The following SNX1 variants were observed in gnomAD, a reference collection of about 807,000 sequenced individuals.
SNX1 encodes sorting nexin-1.
In SNX1, 36 loss-of-function variants were observed where a neutral mutation model predicts 71.8. That is an observed-to-expected ratio of 0.50 (90% CI 0.38 to 0.66). The LOEUF (loss-of-function observed/expected upper bound fraction) is 0.66. Ranked by LOEUF, SNX1 falls within the 30% of genes least tolerant of loss-of-function variation. SNX1 has a pLI of 0.00. For synonymous variants in SNX1, 254 were observed against 240.7 expected (o/e 1.06, Z -0.51); for missense variants, 612 against 646.7 (o/e 0.95, Z 0.58).
chr15:64,121,451 G>T (rs1476182435), intron 4 of SNX1, among the ~76,000 whole-genome samples: 1 of 152,126 alleles, frequency 6.6e-6, no homozygotes, highest in Non-Finnish European at 1.5e-5. Flanking sequence ...TCCTTCCTAA[G>T]CGTCTCCACA....
At position 64,096,053 on chromosome 15, in the gene SNX1, C is replaced by G. The variant is rs370223175; in HGVS notation, c.40C>G (p.Leu14Val). 2 of 1,591,358 alleles carry G rather than the reference C, an allele frequency of 1.3e-6. No individual in the cohort carries two copies. Among genetic ancestry groups the G allele is most frequent in the Non-Finnish European group, 1.7e-6 (2 of 1,172,794 alleles). ...TGGTGGCTGTAGCGCTTCGGAGAGACTGCCTCCGCCCTTCCCCGGCCTGGA... is the reference window on the plus strand; with the variant it reads ...TGGTGGCTGTAGCGCTTCGGAGAGAGTGCCTCCGCCCTTCCCCGGCCTGGA... Reference protein sequence around the residue: ...GGGGCSASERLPPPFPGLEPE... With the variant: ...GGGGCSASERVPPPFPGLEPE... The change falls in exon 1 of 15, where the codon CTG becomes GTG. Residue 14 changes from leucine to valine, a missense_variant. Around this residue, in one of 2 missense-constraint regions of SNX1, gnomAD observed 316 missense variants for 284.9 expected, o/e 1.11. Coordinates refer to ENST00000559844, the MANE Select transcript of SNX1 (RefSeq NM_003099.5).
intron 12 of SNX1, 200 bp downstream of exon 12, chr15:64,135,007 GCAGACTTGTCAAAT>G (rs2081343656): frequency 1.6e-6 from 1 of 615,412 alleles, no homozygotes; most frequent in African/African-American, 1.9e-5. Flanking sequence ...TCTACTCTAC[GCAGACTTGTCAAAT>G]CAGAATCTCT....
At chr15:64,128,574 C>G (rs1323068940) in intron 8 of SNX1, among the ~76,000 whole-genome samples, 1 of 152,092 alleles carries the variant, frequency 6.6e-6, no homozygotes, top group Admixed American at 6.5e-5. Flanking sequence ...GTATGTGTTA[C>G]TCCAGTGAAG....
intron 10 of SNX1, among the ~76,000 whole-genome samples, chr15:64,131,239 C>T (rs2081303383): frequency 2.0e-5 from 3 of 152,084 alleles, no homozygotes; most frequent in African/African-American, 7.2e-5. Flanking sequence ...GCTGAGATGG[C>T]GCCACTGCAC....
intron 11 of SNX1, among the ~76,000 whole-genome samples, chr15:64,132,793 C>T (rs773745644): frequency 1.3e-5 from 2 of 152,204 alleles, no homozygotes; most frequent in African/African-American, 4.8e-5. Context: ...CTGTCACTTA[C>T]CCCGTGGTGG....
At chr15:64,130,067 C>G (rs2081291123) in intron 9 of SNX1, 38 bp downstream of exon 9, 2 of 1,538,258 alleles carry the variant, frequency 1.3e-6, no homozygotes, top group Admixed American at 1.7e-5. Context: ...ACCTACACCT[C>G]AGGCTTATGG....
In SNX1 at chr15:64,143,916, T is replaced by C. The variant is rs1289858745; in HGVS notation, c.*6298T>C. 1 of 152,220 alleles carries C rather than the reference T, an allele frequency of 6.6e-6. No individual in the cohort carries two copies. The highest frequency in any genetic ancestry group is 1.5e-5 in the Non-Finnish European group (1 of 68,044). The allele number at this position is 152,220 out of a possible 1,614,324, so 9.4% of individuals were successfully genotyped here. ...ATTGAAATGTCCATCAGGAGGGGATTAAATGAATTATGGTACAGTTACACC... is the reference window on the plus strand; with the variant it reads ...ATTGAAATGTCCATCAGGAGGGGATCAAATGAATTATGGTACAGTTACACC... On this transcript the variant is annotated 3_prime_UTR_variant, in exon 15 of 15. Coordinates refer to ENST00000559844, the MANE Select transcript of SNX1 (RefSeq NM_003099.5).
chr15:64,127,720 T>G lies in SNX1; in HGVS notation c.732-11T>G, dbSNP rs1192081580. The stretch of plus-strand genomic sequence containing the variant: ...GCTCAACTAACCAGATGATAACTGC[T>G]TACCTTTTAGGTACCTTCAGAGGAT... On this transcript the variant is annotated splice_polypyrimidine_tract_variant and intron_variant, in intron 7 of 14. Coordinates refer to ENST00000559844, the MANE Select transcript of SNX1 (RefSeq NM_003099.5). 6.2e-7 allele frequency: 1 copy of G among 1,611,182 alleles called. No homozygotes were observed.
intron 1 of SNX1, among the ~76,000 whole-genome samples, chr15:64,103,192 T>C (rs951442142): frequency 6.6e-6 from 1 of 152,184 alleles, no homozygotes; most frequent in Admixed American, 6.5e-5. Flanking sequence ...TGCTTTGATA[T>C]ATTTGCTTTC....
chr15:64,102,236 C>T (rs779514446), intron 1 of SNX1, among the ~76,000 whole-genome samples: 17 of 151,946 alleles, frequency 1.1e-4, no homozygotes, highest in Non-Finnish European at 1.8e-4. Flanking sequence ...GTGGACTCAA[C>T]GTGGTTATTG....
intron 4 of SNX1, among the ~76,000 whole-genome samples, chr15:64,121,298 A>G (rs571580278): frequency 6.6e-6 from 1 of 152,328 alleles, no homozygotes; most frequent in South Asian, 2.1e-4. Flanking sequence ...AGAAATCTCA[A>G]ATCCTGGTGT....
rs911587891 is a variant in SNX1, at chr15:64,098,418, C to T, written c.159+2246C>T. On this transcript the variant is annotated intron_variant, in intron 1 of 14. Transcript: ENST00000559844. ...TCTAGAGTTAACCTGAAGCAGTGGC[C>T]GAGTGCCATGCACACGTGTAATCTC... Among the ~76,000 whole-genome samples the T allele has an allele frequency of 1.1e-4, 16 of 152,018 alleles. 1 individual carries two copies. Among genetic ancestry groups the T allele is most frequent in the Admixed American group, 7.9e-4 (12 of 15,266 alleles).
intron 2 of SNX1, chr15:64,115,640 T>C: frequency 3.0e-6 from 1 of 329,656 alleles, no homozygotes; most frequent in Non-Finnish European, 5.9e-6. Context: ...CATGGCTCAC[T>C]GCAGCCCCGA....
At chr15:64,131,104 G>A (rs144571362) in intron 10 of SNX1, among the ~76,000 whole-genome samples, 149 of 152,306 alleles carry the variant, frequency 9.8e-4, no homozygotes, top group African/African-American at 3.4e-3. Flanking sequence ...CCAAGATGGT[G>A]AAACCCTGTC....
chr15:64,138,270 G>A lies in SNX1; in HGVS notation c.*652G>A. On this transcript the variant is annotated 3_prime_UTR_variant, in exon 15 of 15. Transcript: ENST00000559844. ...AAAAACATCTCTTAAAATAAGAGGA[G>A]CAAAATCTATTAAAACCTATTCTCC... 7.3e-7 allele frequency: 1 copy of A among 1,368,692 alleles called. No individual in the cohort carries two copies. Among genetic ancestry groups the A allele is most frequent in the Non-Finnish European group, 9.6e-7 (1 of 1,045,446 alleles). 84.8% of individuals were successfully genotyped at this position (1,368,692 alleles called of 1,614,324 possible).
At chr15:64,118,756 C>A in intron 3 of SNX1, 32 bp from the exon 4 acceptor site, 1 of 1,533,284 alleles carries the variant, frequency 6.5e-7, no homozygotes, top group Non-Finnish European at 9.0e-7. Context: ...TTTTTCATAT[C>A]AACTCTCATG....
Position 64,096,189 on chromosome 15 carries a change from C to T in SNX1, c.159+17C>T, listed in dbSNP as rs199628334. The T allele has an allele frequency of 8.6e-4, 1,337 of 1,546,696 alleles. 10 individuals carry two copies. The highest frequency in any genetic ancestry group is 6.2e-3 in the South Asian group (518 of 83,934). On this transcript the variant is annotated intron_variant, in intron 1 of 14. Coordinates refer to ENST00000559844, the MANE Select transcript of SNX1 (RefSeq NM_003099.5). The stretch of plus-strand genomic sequence containing the variant: ...GCGGTGGTCGTGAGTTTGCACCCCT[C>T]GGGGTAGCAGGCGGGAGGGCACCCC...
intron 1 of SNX1, among the ~76,000 whole-genome samples, chr15:64,109,671 C>A (rs977516627): frequency 1.3e-5 from 2 of 152,006 alleles, no homozygotes; most frequent in Non-Finnish European, 2.9e-5. Context: ...ACACACCCGG[C>A]TAATTTTTGT....
intron 10 of SNX1, 82 bp from the exon 11 acceptor site, chr15:64,131,601 GCTAA>G: frequency 7.6e-7 from 1 of 1,323,604 alleles, no homozygotes; most frequent in African/African-American, 1.4e-5. Context: ...GGGCGGCATT[GCTAA>G]GACATGCCAT....
Sources: gnomAD v4.1 joint callset for allele counts (sites outside exome capture counted in the v4.1 genomes callset) on GRCh38, gnomAD v4.1.1 for gene constraint, gnomAD v4.1.1 regional missense constraint, MANE v1.5 for transcripts, NCBI Gene and HGNC (gene_info 2026-07-23, HGNC 2026-07-21) for gene names.